Variants in NRIP1 observed in about 807,000 individuals in gnomAD.
NRIP1 encodes nuclear receptor-interacting protein 1.
In NRIP1, 28 loss-of-function variants were observed where a neutral mutation model predicts 75.0. The observed-to-expected ratio is 0.37, with a 90% confidence interval of 0.28 to 0.51. The LOEUF (loss-of-function observed/expected upper bound fraction) is 0.51, where lower values mean the gene tolerates loss of function less well. NRIP1 is among the 20% of genes least tolerant of loss of function. NRIP1 has a pLI of 0.92. For missense variants in NRIP1, 1,435 were observed against 1,343.7 expected (o/e 1.07, Z -1.06); for synonymous variants, 526 against 487.6 (o/e 1.08, Z -1.04).
In NRIP1 at chr21:14,982,855, T is replaced by G. The variant is rs1362392511; in HGVS notation, c.-334-14329A>C. On this transcript the variant is annotated intron_variant, in intron 3 of 3. Transcript: ENST00000318948. ...ATTTCTCACAATATTTCAAGCTTTT[T>G]CATTATTATTCTATCTGCTACGGTG... Among the ~76,000 whole-genome samples, 3 of 152,154 alleles carry G rather than the reference T, an allele frequency of 2.0e-5. No homozygotes were observed. The South Asian group carries it at 6.2e-4, about 32-fold the overall frequency.
At chr21:15,037,854 T>A (rs1421076938) in intron 2 of NRIP1, among the ~76,000 whole-genome samples, 1 of 152,066 alleles carries the variant, frequency 6.6e-6, no homozygotes, top group African/African-American at 2.4e-5. Context: ...CTGCAGAAAG[T>A]TTTACTTTGC....
chr21:15,006,803 G>A (rs749335110), intron 3 of NRIP1, among the ~76,000 whole-genome samples: 2 of 152,134 alleles, frequency 1.3e-5, no homozygotes, highest in African/African-American at 2.4e-5. Context: ...GCACAGTGCC[G>A]GTGATTTTCT....
chr21:15,064,379 G>A (rs1046198103), intron 1 of NRIP1, among the ~76,000 whole-genome samples: 4 of 152,314 alleles, frequency 2.6e-5, no homozygotes, highest in Admixed American at 2.6e-4. Context: ...CGAGGCGAGC[G>A]GTGCCCGGGG....
chr21:15,060,406 G>A (rs1253009468), intron 1 of NRIP1, among the ~76,000 whole-genome samples: 2 of 151,998 alleles, frequency 1.3e-5, no homozygotes, highest in African/African-American at 2.4e-5. Flanking sequence ...ATGAATCATA[G>A]GTAATGTGCT....
chr21:15,037,398 T>C (rs2088860017), intron 2 of NRIP1, among the ~76,000 whole-genome samples: 1 of 152,218 alleles, frequency 6.6e-6, no homozygotes, highest in African/African-American at 2.4e-5. Flanking sequence ...GTTTCACCAA[T>C]ACTTTGATTT....
chr21:14,982,152 A>G (rs989274645), intron 3 of NRIP1, among the ~76,000 whole-genome samples: 25 of 152,136 alleles, frequency 1.6e-4, no homozygotes, highest in African/African-American at 6.0e-4. Context: ...GCTCGGTCCT[A>G]GTTCATTCAA....
At chr21:15,033,839 C>G (rs1346954927) in intron 2 of NRIP1, among the ~76,000 whole-genome samples, 1 of 152,172 alleles carries the variant, frequency 6.6e-6, no homozygotes, top group African/African-American at 2.4e-5. Context: ...TCCACAATCA[C>G]TCCCCAGTAA....
chr21:15,012,948 A>C (rs1326219101), intron 3 of NRIP1, among the ~76,000 whole-genome samples: 1 of 152,122 alleles, frequency 6.6e-6, no homozygotes, highest in Non-Finnish European at 1.5e-5. Flanking sequence ...CAAACCAATT[A>C]TATCTTGTGG....
chr21:15,044,474 G>A (rs949137706), intron 1 of NRIP1, among the ~76,000 whole-genome samples: 1 of 151,892 alleles, frequency 6.6e-6, no homozygotes, highest in African/African-American at 2.4e-5. Flanking sequence ...ACAGGCCAAT[G>A]GACAGTGAAG....
intron 1 of NRIP1, among the ~76,000 whole-genome samples, chr21:15,056,769 T>C (rs1024209770): frequency 1.3e-5 from 2 of 152,198 alleles, no homozygotes; most frequent in Non-Finnish European, 2.9e-5. Flanking sequence ...TTATTATTCA[T>C]CTTTGTGTCT....
At chr21:15,034,727 C>T (rs1162029827) in intron 2 of NRIP1, among the ~76,000 whole-genome samples, 1 of 151,880 alleles carries the variant, frequency 6.6e-6, no homozygotes, top group Non-Finnish European at 1.5e-5. Flanking sequence ...TTAAGTGGTT[C>T]AAACTTGAAA....
At chr21:14,975,623 CT>C (rs1379849770) in intron 3 of NRIP1, among the ~76,000 whole-genome samples, 7 of 13,056 alleles carry the variant, frequency 5.4e-4, no homozygotes, top group African/African-American at 1.8e-3. Flanking sequence ...GACACTATTT[CT>C]TTAAAAAAAA....
intron 1 of NRIP1, among the ~76,000 whole-genome samples, chr21:15,059,244 T>C (rs1439007533): frequency 6.6e-6 from 1 of 152,214 alleles, no homozygotes; most frequent in Non-Finnish European, 1.5e-5. Flanking sequence ...CACAGTGACT[T>C]GGAATTTAAG....
Position 14,965,858 on chromosome 21 carries a change from C to A in NRIP1, c.2335G>T (p.Ala779Ser), listed in dbSNP as rs369506309. 7.4e-6 allele frequency: 12 copies of A among 1,613,908 alleles called. No homozygotes were observed. The highest frequency in any genetic ancestry group is 1.6e-4 in the Middle Eastern group (1 of 6,082). The change falls in exon 4 of 4, where the codon GCC becomes TCC. Residue 779 changes from alanine (A) to serine (S), a missense_variant. Ala to Ser is a moderately conservative substitution (Grantham distance 99). Transcript: ENST00000318948. The stretch of plus-strand genomic sequence containing the variant: ...GCAGGAGCCATACCCAAGAATGGGG[C>A]ACTCTTAGCATCATGGCTCAAGTGC... ...NVHLSHDAKS[A>S]PFLGMAPAVQ...
intron 2 of NRIP1, among the ~76,000 whole-genome samples, chr21:15,030,742 A>C (rs965010262): frequency 1.3e-5 from 2 of 152,236 alleles, no homozygotes; most frequent in African/African-American, 4.8e-5. Flanking sequence ...GTAAGGAGGG[A>C]AGAAGGGAGG....
Position 14,967,810 on chromosome 21 carries a change from T to C in NRIP1, c.383A>G (p.Gln128Arg), listed in dbSNP as rs1337076332. 1 of 1,614,076 alleles carries C rather than the reference T, an allele frequency of 6.2e-7. No homozygotes were observed. Among genetic ancestry groups the C allele is most frequent in the South Asian group, 1.1e-5 (1 of 91,074 alleles). The change falls in exon 4 of 4, where the codon CAG becomes CGG. Residue 128 changes from glutamine to arginine, a missense_variant. Physicochemically the swap from Gln to Arg is conservative, Grantham distance 43. Coordinates refer to ENST00000318948, the MANE Select transcript of NRIP1 (RefSeq NM_003489.4). ...GMVDSVPKGK[Q>R]DSTLLASLLQ... is the part of the protein sequence containing the mutation. Reference sequence around the variant, plus strand: ...CAAAGAGGCCAGTAATGTGCTATCCTGTTTGCCTTTAGGCACACTGTCAAC... The same window carrying C: ...CAAAGAGGCCAGTAATGTGCTATCCCGTTTGCCTTTAGGCACACTGTCAAC...
At chr21:15,013,186 G>A (rs1290115671) in intron 3 of NRIP1, among the ~76,000 whole-genome samples, 2 of 152,056 alleles carry the variant, frequency 1.3e-5, no homozygotes, top group South Asian at 2.1e-4. Flanking sequence ...ATGAATATAC[G>A]AAAAGTGACT....
chr21:15,013,361 T>C (rs2088155054), intron 3 of NRIP1, among the ~76,000 whole-genome samples: 1 of 152,190 alleles, frequency 6.6e-6, no homozygotes, highest in African/African-American at 2.4e-5. Context: ...GAAAAAGCAG[T>C]TAGGATTATC....
intron 3 of NRIP1, among the ~76,000 whole-genome samples, chr21:14,973,266 G>GA (rs5842505): frequency 1.7e-4 from 24 of 140,432 alleles, no homozygotes; most frequent in Admixed American, 5.0e-4. Flanking sequence ...GACAGAAAAA[G>GA]AAAAAAAAAA....
Sources: gnomAD v4.1 joint callset for allele counts (sites outside exome capture counted in the v4.1 genomes callset) on GRCh38, gnomAD v4.1.1 for gene constraint, MANE v1.5 for transcripts, NCBI Gene and HGNC (gene_info 2026-07-23, HGNC 2026-07-21) for gene names.